The following KCNIP4 variants were observed in gnomAD, a reference collection of about 807,000 sequenced individuals.
KCNIP4 encodes the protein Kv channel-interacting protein 4.
A neutral mutation model predicts 34.0 loss-of-function variants in KCNIP4; 12 were observed. The observed-to-expected ratio is 0.35, with a 90% CI of 0.23 to 0.57. The LOEUF (loss-of-function observed/expected upper bound fraction) is 0.57. KCNIP4 is among the 20% of genes least tolerant of loss of function. The probability of loss-of-function intolerance (pLI) is 0.83; values close to 1 mark genes in which losing one functional copy is unlikely to be tolerated. For synonymous variants in KCNIP4, 124 were observed against 102.2 expected, an observed-to-expected ratio of 1.21 and a Z score of -1.29; for missense variants, 238 against 311.7, an observed-to-expected ratio of 0.76 and a Z score of 1.78.
chr4:20,897,242 GC>G (rs1401070185), intron 1 of KCNIP4, among the ~76,000 whole-genome samples: 2 of 144,680 alleles, frequency 1.4e-5, no homozygotes, highest in African/African-American at 5.1e-5. Context: ...CCAACCCACC[GC>G]CCCTAAATCT....
At chr4:21,520,922 C>T (rs1735466259) in intron 1 of KCNIP4, among the ~76,000 whole-genome samples, 2 of 152,046 alleles carry the variant, frequency 1.3e-5, no homozygotes, top group Non-Finnish European at 2.9e-5. Context: ...CATTCTTATT[C>T]CATTATCTTT....
intron 3 of KCNIP4, among the ~76,000 whole-genome samples, chr4:20,829,855 G>A (rs755281561): frequency 1.6e-4 from 24 of 152,074 alleles, no homozygotes; most frequent in Non-Finnish European, 3.2e-4. Context: ...AGATAAGTAT[G>A]ATATAGATGT....
chr4:20,940,682 T>C (rs1443551142), intron 1 of KCNIP4, among the ~76,000 whole-genome samples: 1 of 152,186 alleles, frequency 6.6e-6, no homozygotes, highest in African/African-American at 2.4e-5. Context: ...TGGATTATCA[T>C]CTAATTCAGA....
intron 1 of KCNIP4, among the ~76,000 whole-genome samples, chr4:21,072,454 T>C (rs542954896): frequency 7.9e-5 from 12 of 152,156 alleles, no homozygotes; most frequent in Non-Finnish European, 1.5e-4. Flanking sequence ...TTCAGAAGTG[T>C]CTGTTCATAT....
At chr4:21,024,578 A>T (rs866986448) in intron 1 of KCNIP4, among the ~76,000 whole-genome samples, 1 of 152,228 alleles carries the variant, frequency 6.6e-6, no homozygotes, top group Non-Finnish European at 1.5e-5. Flanking sequence ...TATATTTCCA[A>T]TGAAACCCCT....
chr4:21,773,742 G>GTTTT (rs1553930230), intron 1 of KCNIP4, among the ~76,000 whole-genome samples: 2 of 34,430 alleles, frequency 5.8e-5, no homozygotes, highest in African/African-American at 7.1e-5. Flanking sequence ...GTTTTTTTTT[G>GTTTT]TTGTTTTTTT....
At chr4:20,967,729 G>C (rs954315982) in intron 1 of KCNIP4, among the ~76,000 whole-genome samples, 7 of 152,202 alleles carry the variant, frequency 4.6e-5, no homozygotes, top group Non-Finnish European at 8.8e-5. Context: ...CTAGCCATAT[G>C]TAGAAAGCTG....
At chr4:21,180,464 T>C (rs1209344685) in intron 1 of KCNIP4, among the ~76,000 whole-genome samples, 1 of 152,074 alleles carries the variant, frequency 6.6e-6, no homozygotes, top group African/African-American at 2.4e-5. Flanking sequence ...TATTAGATAA[T>C]ACTTGCCAAT....
intron 1 of KCNIP4, among the ~76,000 whole-genome samples, chr4:21,836,451 T>G (rs1723325133): frequency 6.6e-6 from 1 of 152,182 alleles, no homozygotes; most frequent in Non-Finnish European, 1.5e-5. Context: ...TCCTATTTTT[T>G]TCCAAGTTTT....
chr4:21,827,766 G>A (rs1213555041), intron 1 of KCNIP4, among the ~76,000 whole-genome samples: 1 of 151,934 alleles, frequency 6.6e-6, no homozygotes, highest in African/African-American at 2.4e-5. Context: ...CTAACCACAA[G>A]CTGAACCTCC....
chr4:21,936,809 T>C (rs937126692), intron 1 of KCNIP4, among the ~76,000 whole-genome samples: 4 of 152,092 alleles, frequency 2.6e-5, no homozygotes, highest in Admixed American at 2.6e-4. Context: ...CTCTCTTTTT[T>C]CCCTGTTAGT....
chr4:21,420,916 TA>T (rs1725399060), intron 1 of KCNIP4, among the ~76,000 whole-genome samples: 2 of 152,266 alleles, frequency 1.3e-5, no homozygotes, highest in East Asian at 3.9e-4. Flanking sequence ...ATCACAAATA[TA>T]TAAGAAATTG....
chr4:21,325,557 T>C (rs1396170871), intron 1 of KCNIP4, among the ~76,000 whole-genome samples: 1 of 151,834 alleles, frequency 6.6e-6, no homozygotes, highest in Non-Finnish European at 1.5e-5. Flanking sequence ...AAACTTTATG[T>C]TTCATTGATC....
intron 1 of KCNIP4, among the ~76,000 whole-genome samples, chr4:21,573,120 A>T (rs1740482311): frequency 7.9e-5 from 12 of 152,186 alleles, no homozygotes; most frequent in Admixed American, 7.9e-4. Flanking sequence ...AGTGGTAAAC[A>T]GTGGGAATGG....
chr4:21,138,408 C>T (rs1289986378), intron 1 of KCNIP4, among the ~76,000 whole-genome samples: 1 of 152,138 alleles, frequency 6.6e-6, no homozygotes, highest in African/African-American at 2.4e-5. Flanking sequence ...GTCTTTCTGT[C>T]TACAGAGCAT....
chr4:21,860,752 A>G (rs997375520), intron 1 of KCNIP4, among the ~76,000 whole-genome samples: 5 of 152,332 alleles, frequency 3.3e-5, no homozygotes, highest in African/African-American at 1.2e-4. Context: ...ACACAATTGA[A>G]GTTATACACA....
At chr4:21,721,704 G>A (rs1428464126) in intron 1 of KCNIP4, among the ~76,000 whole-genome samples, 1 of 152,062 alleles carries the variant, frequency 6.6e-6, no homozygotes, top group Non-Finnish European at 1.5e-5. Flanking sequence ...TTGCAGTGTT[G>A]AGCTCTGACC....
At chr4:21,939,094 G>A (rs1730050594) in intron 1 of KCNIP4, among the ~76,000 whole-genome samples, 1 of 152,062 alleles carries the variant, frequency 6.6e-6, no homozygotes, top group Non-Finnish European at 1.5e-5. Context: ...AGGGATCCAA[G>A]GATAAATAAA....
At chr4:21,520,536 A>T (rs377488254) in intron 1 of KCNIP4, among the ~76,000 whole-genome samples, 6 of 152,158 alleles carry the variant, frequency 3.9e-5, no homozygotes, top group East Asian at 3.9e-4. Context: ...TACAGGTCTT[A>T]GTTAAAATTC....
Sources: allele counts gnomAD v4.1 joint callset (sites outside exome capture counted in the v4.1 genomes callset), GRCh38; gene constraint gnomAD v4.1.1; transcripts MANE v1.5; gene names NCBI Gene and HGNC (gene_info 2026-07-23, HGNC 2026-07-21).